Variants in STK3 observed in about 807,000 individuals in gnomAD.
STK3 encodes serine/threonine kinase 3.
A neutral mutation model predicts 58.0 loss-of-function variants in STK3; 41 were observed. That is an observed-to-expected ratio of 0.71 (90% CI 0.55 to 0.92). The LOEUF is 0.92. Ranked by LOEUF, STK3 falls within the 40% of genes least tolerant of loss-of-function variation. STK3 has a pLI of 0.00. For missense variants in STK3, 479 were observed against 602.7 expected, an observed-to-expected ratio of 0.79 and a Z score of 2.15; for synonymous variants, 170 against 191.0, an observed-to-expected ratio of 0.89 and a Z score of 0.91.
chr8:98,712,124 T>C (rs577344014), intron 4 of STK3, among the ~76,000 whole-genome samples: 6,599 of 152,170 alleles, frequency 0.043, 193 homozygotes, highest in Non-Finnish European at 0.069. Context: ...AAAAGAGCTC[T>C]TGAAGGAAGC....
At chr8:98,583,597 C>T (rs1814134511) in intron 7 of STK3, among the ~76,000 whole-genome samples, 1 of 152,110 alleles carries the variant, frequency 6.6e-6, no homozygotes. Context: ...TCAATAAGCT[C>T]TTCTGTATCT....
chr8:98,344,734 A>T, the STK3 span, among the ~76,000 whole-genome samples: 1 of 151,382 alleles, frequency 6.6e-6, no homozygotes, highest in Admixed American at 6.6e-5. Flanking sequence ...TCTACTAAAA[A>T]TACAAAAAAT....
chr8:98,706,629 T>C lies in STK3; in HGVS notation c.522A>G (p.Thr174=). The C allele has an allele frequency of 6.3e-7, 1 of 1,588,586 alleles. No individual in the cohort carries two copies. Among genetic ancestry groups the C allele is most frequent in the Non-Finnish European group, 8.6e-7 (1 of 1,169,194 alleles). Reference sequence around the variant, plus strand: ...CTATTACAGTATTGCGTTTTGCCATTGTATCCTGCAATAATGTTACATAGC... The same window carrying C: ...CTATTACAGTATTGCGTTTTGCCATCGTATCCTGCAATAATGTTACATAGC... ...DFGVAGQLTD[T]MAKRNTVIGT... is the part of the protein sequence containing the mutation. The change falls in exon 6 of 11, where the codon ACA becomes ACG. Residue 174 remains threonine, a synonymous_variant. Transcript: ENST00000419617.
intron 1 of STK3, among the ~76,000 whole-genome samples, chr8:98,381,325 G>A (rs907560987): frequency 6.6e-6 from 1 of 152,140 alleles, no homozygotes; most frequent in East Asian, 1.9e-4. Context: ...TACTCCAGGG[G>A]CCCTGAGATC....
intron 1 of STK3, among the ~76,000 whole-genome samples, chr8:98,887,672 T>C (rs1372287806): frequency 6.6e-6 from 1 of 152,022 alleles, no homozygotes; most frequent in Non-Finnish European, 1.5e-5. Context: ...TGGAGATGAC[T>C]GTAAAAATAT....
intron 3 of STK3, among the ~76,000 whole-genome samples, chr8:98,874,752 CA>C (rs949986598): frequency 9.9e-5 from 15 of 151,552 alleles, no homozygotes; most frequent in African/African-American, 3.1e-4. Flanking sequence ...TCAGCCTCCC[CA>C]GTAGCTGGGA....
chr8:98,630,900 G>T (rs544724421), intron 6 of STK3, among the ~76,000 whole-genome samples: 1 of 150,204 alleles, frequency 6.7e-6, no homozygotes, highest in Non-Finnish European at 1.5e-5. Flanking sequence ...AGATAAACCT[G>T]ACATATAGTA....
chr8:98,624,370 A>G (rs547458720), intron 6 of STK3, among the ~76,000 whole-genome samples: 2 of 152,346 alleles, frequency 1.3e-5, no homozygotes, highest in African/African-American at 4.8e-5. Flanking sequence ...ATAGTTACAT[A>G]GAGTGTGCCA....
chr8:98,703,239 T>C (rs1241307216), intron 6 of STK3, among the ~76,000 whole-genome samples: 1 of 152,178 alleles, frequency 6.6e-6, no homozygotes, highest in African/African-American at 2.4e-5. Context: ...ACACAGAGGA[T>C]ATTTCTTTGG....
At chr8:98,914,666 A>G (rs1047198191) in intron 1 of STK3, among the ~76,000 whole-genome samples, 1 of 152,180 alleles carries the variant, frequency 6.6e-6, no homozygotes, top group Non-Finnish European at 1.5e-5. Context: ...TTTAAGCAGA[A>G]TGGATTTCTA....
At chr8:98,905,673 G>C in intron 1 of STK3, 4 of 736,364 alleles carry the variant, frequency 5.4e-6, no homozygotes, top group Non-Finnish European at 1.0e-5. Context: ...TTCATCATCC[G>C]GACAAGCACC....
At chr8:98,360,925 CA>C in the STK3 span, among the ~76,000 whole-genome samples, 5 of 152,136 alleles carry the variant, frequency 3.3e-5, no homozygotes, top group South Asian at 6.2e-4. Flanking sequence ...AAACATTTTC[CA>C]GGGGTGTCAG....
At chr8:98,914,412 C>CA (rs1459912928) in intron 1 of STK3, among the ~76,000 whole-genome samples, 6 of 150,454 alleles carry the variant, frequency 4.0e-5, no homozygotes, top group African/African-American at 9.8e-5. Flanking sequence ...TGTCTTAAAA[C>CA]AAAAAAATGA....
chr8:98,362,118 C>T, the STK3 span, among the ~76,000 whole-genome samples: 1 of 152,110 alleles, frequency 6.6e-6, no homozygotes, highest in Admixed American at 6.5e-5. Flanking sequence ...GGTTAACCAA[C>T]AAAGAAGTCT....
At chr8:98,611,256 A>G (rs560706071) in intron 6 of STK3, among the ~76,000 whole-genome samples, 1 of 152,200 alleles carries the variant, frequency 6.6e-6, no homozygotes, top group African/African-American at 2.4e-5. Context: ...AGTCAATGTA[A>G]ATTAGGATTA....
At chr8:98,520,936 TTC>T (rs953421955) in intron 10 of STK3, among the ~76,000 whole-genome samples, 1 of 152,114 alleles carries the variant, frequency 6.6e-6, no homozygotes, top group Non-Finnish European at 1.5e-5. Context: ...CTTTTAACCA[TTC>T]TCTCTTTGCC....
At chr8:98,794,957 C>T (rs976573071) in intron 1 of STK3, among the ~76,000 whole-genome samples, 11 of 150,678 alleles carry the variant, frequency 7.3e-5, no homozygotes, top group Non-Finnish European at 8.9e-5. Context: ...ATCCCAGCTA[C>T]TCCAGAGGCT....
chr8:98,696,056 G>A (rs1480538884), intron 6 of STK3, among the ~76,000 whole-genome samples: 1 of 152,006 alleles, frequency 6.6e-6, no homozygotes, highest in Non-Finnish European at 1.5e-5. Flanking sequence ...GTGGTTTGTA[G>A]TTCTCCTTGA....
intron 1 of STK3, among the ~76,000 whole-genome samples, chr8:98,824,741 A>T (rs905705720): frequency 6.6e-6 from 1 of 152,226 alleles, no homozygotes; most frequent in Non-Finnish European, 1.5e-5. Flanking sequence ...TCATCTAAAG[A>T]TCTCTAGCTG....
Sources: gnomAD v4.1 joint callset for allele counts (sites outside exome capture counted in the v4.1 genomes callset) on GRCh38, gnomAD v4.1.1 for gene constraint, MANE v1.5 for transcripts, NCBI Gene and HGNC (gene_info 2026-07-23, HGNC 2026-07-21) for gene names.